The following LMBR1 variants were observed in gnomAD, a reference collection of about 807,000 sequenced individuals.
LMBR1 encodes the protein limb region 1 protein homolog.
In LMBR1, 52 loss-of-function variants were observed where a neutral mutation model predicts 73.9. The observed-to-expected ratio is 0.70, with a 90% CI of 0.56 to 0.89. The LOEUF (loss-of-function observed/expected upper bound fraction) is 0.89. Ranked by LOEUF, LMBR1 falls within the 40% of genes least tolerant of loss-of-function variation. The pLI is 0.00. For synonymous variants in LMBR1, 215 were observed against 209.4 expected (o/e 1.03, Z -0.23); for missense variants, 539 against 579.8 (o/e 0.93, Z 0.72).
intron 5 of LMBR1, among the ~76,000 whole-genome samples, chr7:156,787,736 G>C (rs2133271967): frequency 6.6e-6 from 1 of 152,218 alleles, no homozygotes; most frequent in South Asian, 2.1e-4. Flanking sequence ...TGTCTAAGTT[G>C]TCTATTTTCA....
intron 5 of LMBR1, among the ~76,000 whole-genome samples, chr7:156,786,210 AAGGAAGGAGGAAGGGAAGAGAAGG>A (rs1277415985): frequency 4.4e-5 from 6 of 137,014 alleles, no homozygotes; most frequent in Admixed American, 1.5e-4. Flanking sequence ...AAGGGAAGGG[AAGGAAGGAGGAAGGGAAGAGAAGG>A]AGGAAGGAGG....
chr7:156,829,154 T>TA (rs1836222367), intron 3 of LMBR1, among the ~76,000 whole-genome samples: 1 of 152,356 alleles, frequency 6.6e-6, no homozygotes, highest in African/African-American at 2.4e-5. Flanking sequence ...CGTGCCCCTT[T>TA]ATTCAGGTGT....
intron 9 of LMBR1, among the ~76,000 whole-genome samples, chr7:156,744,022 G>A (rs899061410): frequency 6.6e-6 from 1 of 152,114 alleles, no homozygotes; most frequent in African/African-American, 2.4e-5. Flanking sequence ...GATATAAAAC[G>A]AACAAATGAG....
At chr7:156,742,396 G>A (rs1819062452) in intron 9 of LMBR1, among the ~76,000 whole-genome samples, 1 of 151,822 alleles carries the variant, frequency 6.6e-6, no homozygotes, top group African/African-American at 2.4e-5. Flanking sequence ...AAAAAGAGAA[G>A]ATCCAAATAA....
chr7:156,829,897 C>A (rs1836371641), intron 3 of LMBR1, among the ~76,000 whole-genome samples: 1 of 152,146 alleles, frequency 6.6e-6, no homozygotes, highest in South Asian at 2.1e-4. Context: ...GCTGACCGGC[C>A]AAAAATAAAT....
intron 4 of LMBR1, among the ~76,000 whole-genome samples, chr7:156,817,067 G>C (rs543224553): frequency 5.3e-5 from 8 of 152,158 alleles, no homozygotes; most frequent in African/African-American, 7.2e-5. Flanking sequence ...CCCAGAAAAG[G>C]TATTTGAATT....
chr7:156,868,728 A>G (rs1303710923), intron 1 of LMBR1, among the ~76,000 whole-genome samples: 1 of 152,022 alleles, frequency 6.6e-6, no homozygotes, highest in East Asian at 1.9e-4. Flanking sequence ...CACTTTGGGA[A>G]GCCAACGTGG....
At chr7:156,778,094 T>C (rs1826478186) in intron 5 of LMBR1, among the ~76,000 whole-genome samples, 1 of 152,108 alleles carries the variant, frequency 6.6e-6, no homozygotes, top group African/African-American at 2.4e-5. Context: ...CATACTCACA[T>C]GTTTAAGCAG....
chr7:156,761,739 G>A (rs1823032180), intron 8 of LMBR1, among the ~76,000 whole-genome samples: 1 of 152,104 alleles, frequency 6.6e-6, no homozygotes. Flanking sequence ...CACTTTGGGA[G>A]GCCGAGGTGG....
intron 1 of LMBR1, among the ~76,000 whole-genome samples, chr7:156,880,337 G>A (rs919279107): frequency 7.2e-5 from 11 of 152,060 alleles, no homozygotes; most frequent in Admixed American, 2.0e-4. Context: ...GGACTTTGGG[G>A]ACTCAGGGGG....
At position 156,709,896 on chromosome 7, in the gene LMBR1, ATTTTTT is replaced by A. The variant is rs34487923; in HGVS notation, c.1225+14210_1225+14215del. ...GCCAGTTAAAGAATTCAGAAGGTTG[ATTTTTT>A]TTTTTTTTTTTTTTTTTTTTGAGAT... is the stretch of plus-strand genomic sequence containing the variant. On this transcript the variant is annotated intron_variant, in intron 15 of 16. Coordinates refer to ENST00000353442, the MANE Select transcript of LMBR1 (RefSeq NM_022458.4). Among the ~76,000 whole-genome samples the A allele has an allele frequency of 1.9e-3, 170 of 90,346 alleles. 2 individuals are homozygous for A. In the South Asian group the frequency reaches 0.059, roughly 31 times the overall value. The allele number at this position is 90,346 out of a possible 152,430, so 59.3% of individuals were successfully genotyped here. A position where few individuals can be genotyped will look rare whatever the true frequency, so the allele number is the denominator to read the frequency against.
At chr7:156,744,183 G>A (rs980260481) in intron 9 of LMBR1, among the ~76,000 whole-genome samples, 16 of 152,084 alleles carry the variant, frequency 1.1e-4, no homozygotes, top group African/African-American at 3.4e-4. Context: ...GACTACAGGT[G>A]CGTGCCGCCA....
chr7:156,757,007 G>C (rs1191566789), intron 8 of LMBR1, among the ~76,000 whole-genome samples: 1 of 152,138 alleles, frequency 6.6e-6, no homozygotes, highest in Non-Finnish European at 1.5e-5. Flanking sequence ...AGTAGAGACG[G>C]GTTTCACCGT....
intron 4 of LMBR1, chr7:156,822,475 G>A (rs772335317): frequency 6.6e-6 from 1 of 151,924 alleles, no homozygotes; most frequent in Non-Finnish European, 1.5e-5. Flanking sequence ...AGAAACAAAC[G>A]CTAATATAAT....
chr7:156,852,436 C>A (rs1372074554), intron 1 of LMBR1, among the ~76,000 whole-genome samples: 1 of 152,148 alleles, frequency 6.6e-6, no homozygotes, highest in Non-Finnish European at 1.5e-5. Context: ...CCTGTACTAT[C>A]TGATGGATAG....
At chr7:156,878,673 C>T (rs752184311) in intron 1 of LMBR1, among the ~76,000 whole-genome samples, 3 of 152,134 alleles carry the variant, frequency 2.0e-5, no homozygotes, top group Non-Finnish European at 4.4e-5. Context: ...CAAAATACCA[C>T]CATCATTCTT....
intron 15 of LMBR1, among the ~76,000 whole-genome samples, chr7:156,711,777 C>A (rs1812128572): frequency 6.6e-6 from 1 of 152,138 alleles, no homozygotes; most frequent in African/African-American, 2.4e-5. Context: ...ATAAAAGGTG[C>A]TGGTAAAATT....
intron 1 of LMBR1, among the ~76,000 whole-genome samples, chr7:156,891,844 T>C (rs79378308): frequency 0.029 from 4,435 of 152,332 alleles, 99 homozygotes; most frequent in South Asian, 0.085. Context: ...GCTCAGACTT[T>C]ATATGTCCTC....
chr7:156,729,764 C>T (rs532059103), intron 10 of LMBR1, among the ~76,000 whole-genome samples: 66 of 152,244 alleles, frequency 4.3e-4, no homozygotes, highest in Non-Finnish European at 8.1e-4. Flanking sequence ...TGAGCCACTG[C>T]GCCCAGCCCC....
Sources: gnomAD v4.1 joint callset for allele counts (sites outside exome capture counted in the v4.1 genomes callset) on GRCh38, gnomAD v4.1.1 for gene constraint, MANE v1.5 for transcripts, NCBI Gene and HGNC (gene_info 2026-07-23, HGNC 2026-07-21) for gene names.